Variants in BLTP1 observed in about 807,000 individuals in gnomAD.
The protein encoded by BLTP1 is bridge-like lipid transfer protein family member 1.
the BLTP1 span, among the ~76,000 whole-genome samples, chr4:122,191,569 A>C: frequency 6.6e-6 from 1 of 152,196 alleles, no homozygotes. Flanking sequence ...AATGTATTCA[A>C]AGTGCAAGAT....
At chr4:122,271,715 G>A in the BLTP1 span, 4 of 1,557,022 alleles carry the variant, frequency 2.6e-6, no homozygotes, top group South Asian at 1.2e-5. Context: ...AGAAACATTT[G>A]GACCAGCAGG....
the BLTP1 span, among the ~76,000 whole-genome samples, chr4:122,184,075 C>G: frequency 6.6e-6 from 1 of 151,988 alleles, no homozygotes; most frequent in Non-Finnish European, 1.5e-5. Flanking sequence ...AACAAATAGA[C>G]TGCAAGATTA....
the BLTP1 span, among the ~76,000 whole-genome samples, chr4:122,210,682 A>G: frequency 6.6e-6 from 1 of 152,048 alleles, no homozygotes; most frequent in East Asian, 1.9e-4. Context: ...TATTTCTCTC[A>G]TATTTCAATG....
the BLTP1 span, chr4:122,161,261 A>AT: frequency 2.9e-3 from 851 of 294,372 alleles, no homozygotes; most frequent in Non-Finnish European, 4.0e-3. Flanking sequence ...GTACGATTAA[A>AT]TTTTTTTTTT....
chr4:122,217,996 C>T, the BLTP1 span, among the ~76,000 whole-genome samples: 16 of 152,188 alleles, frequency 1.1e-4, no homozygotes, highest in African/African-American at 3.9e-4. Flanking sequence ...CCAGTTTGTT[C>T]ACCTAAAGGT....
chr4:122,235,583 A>G, the BLTP1 span: 2 of 418,810 alleles, frequency 4.8e-6, no homozygotes, highest in African/African-American at 4.3e-5. Flanking sequence ...AGGTGGGCGG[A>G]TCACGAGGTC....
At chr4:122,173,372 C>T in the BLTP1 span, 4 of 156,696 alleles carry the variant, frequency 2.6e-5, no homozygotes. Context: ...TGAGGTGGCA[C>T]AGGGTGTCAC....
At chr4:122,226,779 C>A in the BLTP1 span, 1 of 1,613,204 alleles carries the variant, frequency 6.2e-7, no homozygotes, top group Non-Finnish European at 8.5e-7. Flanking sequence ...ACTGGAAAGA[C>A]CGAAATCAGT....
the BLTP1 span, among the ~76,000 whole-genome samples, chr4:122,313,853 CTG>C: frequency 6.8e-6 from 1 of 146,336 alleles, no homozygotes; most frequent in Non-Finnish European, 1.5e-5. Context: ...CAGACACCTA[CTG>C]TGTGTTTATA....
the BLTP1 span, chr4:122,262,037 C>T: frequency 1.0e-6 from 1 of 983,094 alleles, no homozygotes; most frequent in South Asian, 4.7e-5. Flanking sequence ...TCTATTCTGA[C>T]TCCCGTAAAA....
the BLTP1 span, chr4:122,339,057 G>T: frequency 1.3e-6 from 1 of 785,938 alleles, no homozygotes; most frequent in Non-Finnish European, 1.9e-6. Flanking sequence ...TAGATGTTGT[G>T]GTTTATGTAT....
the BLTP1 span, among the ~76,000 whole-genome samples, chr4:122,253,504 A>G: frequency 3.3e-5 from 5 of 152,258 alleles, no homozygotes; most frequent in African/African-American, 9.6e-5. Context: ...TCCAAGTGAC[A>G]TAGTGAAGAA....
the BLTP1 span, chr4:122,350,173 A>C: frequency 6.9e-7 from 1 of 1,457,960 alleles, no homozygotes; most frequent in Non-Finnish European, 9.0e-7. Context: ...CCCACTTAGA[A>C]AATAGCCCAC....
At chr4:122,330,981 T>C in the BLTP1 span, 5 of 974,812 alleles carry the variant, frequency 5.1e-6, no homozygotes, top group Non-Finnish European at 6.1e-6. Context: ...TCTTTCCTTG[T>C]TGTTCTGTCT....
the BLTP1 span, among the ~76,000 whole-genome samples, chr4:122,354,859 G>A: frequency 6.6e-6 from 1 of 151,730 alleles, no homozygotes; most frequent in Admixed American, 6.6e-5. Context: ...TAGAGACAGG[G>A]TTTCACCATG....
At chr4:122,328,804 G>C in the BLTP1 span, 1 of 967,062 alleles carries the variant, frequency 1.0e-6, no homozygotes, top group Admixed American at 6.2e-5. Context: ...ATGAAATGGT[G>C]TTAATGAAAT....
At chr4:122,157,225 T>G in the BLTP1 span, among the ~76,000 whole-genome samples, 1 of 152,164 alleles carries the variant, frequency 6.6e-6, no homozygotes, top group Non-Finnish European at 1.5e-5. Context: ...CCGATAAATG[T>G]TTTTTATTTC....
chr4:122,176,604 A>G, the BLTP1 span, among the ~76,000 whole-genome samples: 5 of 152,188 alleles, frequency 3.3e-5, no homozygotes, highest in African/African-American at 1.2e-4. Flanking sequence ...TTCATATAGT[A>G]ATATTTTTAT....
At chr4:122,193,411 A>C in the BLTP1 span, 4 of 154,690 alleles carry the variant, frequency 2.6e-5, no homozygotes, top group Non-Finnish European at 5.7e-5. Flanking sequence ...TGAATCATTG[A>C]GGCAAGGGAA....
Sources: gnomAD v4.1 joint callset for allele counts (sites outside exome capture counted in the v4.1 genomes callset) on GRCh38, gnomAD v4.1.1 for gene constraint, MANE v1.5 for transcripts, NCBI Gene and HGNC (gene_info 2026-07-23, HGNC 2026-07-21) for gene names.